Variants in SCAF11 observed in about 807,000 individuals in gnomAD.
SCAF11 encodes protein SCAF11.
In SCAF11, 47 loss-of-function variants were observed where a neutral mutation model predicts 140.5. The observed-to-expected ratio is 0.33, with a 90% CI of 0.26 to 0.43. The LOEUF is 0.43. Among genes scored for constraint, SCAF11 ranks in the 20% least tolerant of loss-of-function variants. The pLI, the probability that SCAF11 is intolerant of heterozygous loss-of-function variation, is 1.00. For missense variants in SCAF11, 1,645 were observed against 1,705.1 expected (o/e 0.96, Z 0.62); for synonymous variants, 557 against 579.4 (o/e 0.96, Z 0.55).
Position 45,927,472 on chromosome 12 carries a change from T to C in SCAF11, c.2229A>G (p.Gln743=), listed in dbSNP as rs1437422234. ...AGTGTGTCACAGAATTTTCATTCATTTGTTTAAGATCAGCATTTACAGATG... is the reference window on the plus strand; with the variant it reads ...AGTGTGTCACAGAATTTTCATTCATCTGTTTAAGATCAGCATTTACAGATG... ...VEPSVNADLK[Q]MNENSVTHCS... The change falls in exon 11 of 15, where the codon CAA becomes CAG. Residue 743 remains glutamine, a synonymous_variant. Coordinates refer to ENST00000369367, the MANE Select transcript of SCAF11 (RefSeq NM_004719.3). 3 of 1,613,354 alleles carry C rather than the reference T, an allele frequency of 1.9e-6. No homozygotes were observed. The highest frequency in any genetic ancestry group is 2.5e-6 in the Non-Finnish European group (3 of 1,179,906).
chr12:45,970,342 A>G (rs929197724), intron 1 of SCAF11, among the ~76,000 whole-genome samples: 1 of 152,174 alleles, frequency 6.6e-6, no homozygotes, highest in Non-Finnish European at 1.5e-5. Context: ...TTCTAGTGAT[A>G]TTTTGTCAAA....
At chr12:45,945,350 A>T (rs1361820232) in intron 5 of SCAF11, 37 bp from the exon 6 acceptor site, 2 of 1,220,432 alleles carry the variant, frequency 1.6e-6, no homozygotes, top group Non-Finnish European at 2.3e-6. Context: ...GAATTAAGAA[A>T]AAAACTGTCA....
intron 3 of SCAF11, among the ~76,000 whole-genome samples, chr12:45,952,911 T>TA (rs1474216108): frequency 1.2e-4 from 18 of 152,380 alleles, no homozygotes; most frequent in African/African-American, 4.3e-4. Flanking sequence ...TTCTGGGTTT[T>TA]ACCACGTATC....
intron 1 of SCAF11, among the ~76,000 whole-genome samples, chr12:45,987,130 G>A (rs748134984): frequency 2.0e-5 from 3 of 152,176 alleles, no homozygotes; most frequent in Non-Finnish European, 4.4e-5. Flanking sequence ...GGAGGCCAAG[G>A]CGGGATGATT....
intron 9 of SCAF11, 138 bp downstream of exon 9, chr12:45,932,993 T>C (rs1945086909): frequency 1.7e-6 from 1 of 581,476 alleles, no homozygotes; most frequent in African/African-American, 1.9e-5. Flanking sequence ...ATTGGGCATT[T>C]GAAACACCAA....
At chr12:45,949,241 T>TCA (rs1364680706) in intron 4 of SCAF11, among the ~76,000 whole-genome samples, 1 of 152,136 alleles carries the variant, frequency 6.6e-6, no homozygotes, top group Non-Finnish European at 1.5e-5. Context: ...AAGACAACAG[T>TCA]CACTAGCCAC....
chr12:45,990,571 A>T lies in SCAF11; in HGVS notation c.-240T>A, dbSNP rs1280897111. On this transcript the variant is annotated 5_prime_UTR_variant, in exon 1 of 15. Transcript: ENST00000369367. ...GCTCCGCGCGGCTTAAGCCACCGCT[A>T]CTCCCCCTTCCCCCGCCTTGTCTAG... is the stretch of plus-strand genomic sequence containing the variant. 3 of 1,227,516 alleles carry T rather than the reference A, an allele frequency of 2.4e-6. No individual in the cohort carries two copies. 76.0% of individuals were successfully genotyped at this position (1,227,516 alleles called of 1,614,324 possible). A position where few individuals can be genotyped will look rare whatever the true frequency, so the allele number is the denominator to read the frequency against.
chr12:45,964,123 C>T lies in SCAF11; in HGVS notation c.45G>A (p.Lys15=), dbSNP rs746992379. Residue 15 remains lysine (K), a synonymous_variant, in exon 2 of 15, where the codon AAG becomes AAA. Transcript: ENST00000369367. ...AAAAGTTACCTTCCATGTCTTCATA[C>T]TTCTTATCTCCCATATTTAGGGTAC... is the stretch of plus-strand genomic sequence containing the variant. The part of the protein sequence containing the change: ...TVCTLNMGDK[K]YEDMEGEENG... The T allele has an allele frequency of 6.5e-7, 1 of 1,528,338 alleles. No homozygotes were observed. The highest frequency in any genetic ancestry group is 9.0e-7 in the Non-Finnish European group (1 of 1,109,758). The allele number at this position is 1,528,338 out of a possible 1,614,324, so 94.7% of individuals were successfully genotyped here.
At position 45,928,929 on chromosome 12, in the gene SCAF11, A is replaced by C. The variant is rs1328924650; in HGVS notation, c.842-70T>G. 5 of 971,144 alleles carry C rather than the reference A, an allele frequency of 5.1e-6. No homozygotes were observed. The Admixed American group carries it at 1.7e-4, about 33-fold the overall frequency. The allele number at this position is 971,144 out of a possible 1,614,324, so 60.2% of individuals were successfully genotyped here. Reference sequence around the variant, plus strand: ...AGAAATAGTAATTTGGCTTTAGCTAATTTTAGCATAAAATAGTCTGCAACA... The same window carrying C: ...AGAAATAGTAATTTGGCTTTAGCTACTTTTAGCATAAAATAGTCTGCAACA... On this transcript the variant is annotated intron_variant, in intron 10 of 14. Transcript: ENST00000369367.
In SCAF11 at chr12:45,934,030, C is replaced by T. The variant is rs960645183; in HGVS notation, c.632+146G>A. The T allele has an allele frequency of 7.8e-6, 4 of 510,766 alleles. No homozygotes were observed. The African/African-American group carries it at 7.9e-5, about 10-fold the overall frequency. The allele number at this position is 510,766 out of a possible 1,614,324, so 31.6% of individuals were successfully genotyped here. ...CTCTTTGCTAGAGCTAGTTTACCTT[C>T]CCCCCCGCCCAAAAAAAAACTAAAG... On this transcript the variant is annotated intron_variant, in intron 8 of 14. Coordinates refer to ENST00000369367, the MANE Select transcript of SCAF11 (RefSeq NM_004719.3).
At position 45,924,728 on chromosome 12, in the gene SCAF11, C is replaced by T. The variant is rs1944805935; in HGVS notation, c.3906G>A (p.Gln1302=). ...IASQPDGKQL[Q]GIPSSSHVSN... is the part of the protein sequence containing the mutation. ...TAAACTTGAGTTGCTAAAAACATAC[C>T]TGCAATTGCTTTCCATCTGGTTGTG... The change falls in exon 12 of 15, where the codon CAG becomes CAA. Residue 1302 remains glutamine (Q), a splice_region_variant and synonymous_variant. Coordinates refer to ENST00000369367, the MANE Select transcript of SCAF11 (RefSeq NM_004719.3). 1 of 1,597,648 alleles carries T rather than the reference C, an allele frequency of 6.3e-7. No homozygotes were observed. Among genetic ancestry groups the T allele is most frequent in the Non-Finnish European group, 8.6e-7 (1 of 1,168,816 alleles).
chr12:45,944,460 T>A (rs1030602875), intron 6 of SCAF11, among the ~76,000 whole-genome samples: 2 of 152,228 alleles, frequency 1.3e-5, no homozygotes, highest in African/African-American at 2.4e-5. Context: ...GCATAAAAAA[T>A]GAAGTTATTC....
intron 1 of SCAF11, among the ~76,000 whole-genome samples, chr12:45,981,778 A>C (rs937624223): frequency 6.6e-6 from 1 of 152,184 alleles, no homozygotes; most frequent in Non-Finnish European, 1.5e-5. Context: ...CAGGGGACAG[A>C]GTGAGACCTT....
rs367988696 is a variant in SCAF11, at chr12:45,927,537, C to G, written c.2164G>C (p.Asp722His). 16 of 1,613,578 alleles carry G rather than the reference C, an allele frequency of 9.9e-6. No individual in the cohort carries two copies. The highest frequency in any genetic ancestry group is 1.3e-5 in the African/African-American group (1 of 74,848). ...DNNEMIPMEC[D>H]SFCSDQNESE... The stretch of plus-strand genomic sequence containing the variant: ...TCATTTTGGTCACTGCAAAATGAAT[C>G]ACACTCCATAGGTATCATTTCATTG... Residue 722 changes from aspartate to histidine, a missense_variant, in exon 11 of 15, where the codon GAT becomes CAT. Coordinates refer to ENST00000369367, the MANE Select transcript of SCAF11 (RefSeq NM_004719.3).
At chr12:45,942,906 C>T (rs1366674750) in intron 6 of SCAF11, among the ~76,000 whole-genome samples, 1 of 152,134 alleles carries the variant, frequency 6.6e-6, no homozygotes, top group African/African-American at 2.4e-5. Flanking sequence ...TGTTTTTGTT[C>T]ACTACTATAC....
rs1440502126 is a variant in SCAF11 at position 45,926,243 on chromosome 12, G to A, written c.3458C>T (p.Thr1153Ile). ...TSASSWAVRK[T>I]LPADVQNYYS... ...GTAGTTTTGTACATCTGCTGGCAAA[G>A]TCTTTCTCACGGCCCAGCTGGATGC... Residue 1153 changes from threonine to isoleucine, a missense_variant, in exon 11 of 15, where the codon ACT (threonine) becomes ATT (isoleucine). By Grantham distance (89) the Thr-to-Ile change is moderately conservative. Coordinates refer to ENST00000369367, the MANE Select transcript of SCAF11 (RefSeq NM_004719.3). 1 of 1,614,150 alleles carries A rather than the reference G, an allele frequency of 6.2e-7. No individual in the cohort carries two copies. Among genetic ancestry groups the A allele is most frequent in the African/African-American group, 1.3e-5 (1 of 75,012 alleles).
In SCAF11 at chr12:45,921,714, G is replaced by T. The variant is rs564576177; in HGVS notation, c.*334C>A. 36 of 177,306 alleles carry T rather than the reference G, an allele frequency of 2.0e-4. No homozygotes were observed. In the South Asian group the frequency reaches 6.1e-3, roughly 30 times the overall value. The allele number at this position is 177,306 out of a possible 1,614,324, so 11.0% of individuals were successfully genotyped here. A position where few individuals can be genotyped will look rare whatever the true frequency, so the allele number is the denominator to read the frequency against. On this transcript the variant is annotated 3_prime_UTR_variant, in exon 15 of 15. Transcript: ENST00000369367. ...ATCTCTTTGAAAACCAGTGCACTTA[G>T]AAGTTTCTAATTTATGCACTCCATT...
chr12:45,972,897 T>TATATATAGATATATAGATATATATATAG (rs1565688754), intron 1 of SCAF11, among the ~76,000 whole-genome samples: 1 of 64,846 alleles, frequency 1.5e-5, no homozygotes, highest in Admixed American at 1.5e-4. Flanking sequence ...TATATAGATA[T>TATATATAGATATATAGATATATATATAG]ATATATATAT....
chr12:45,975,125 G>A (rs1018084523), intron 1 of SCAF11: 1 of 152,202 alleles, frequency 6.6e-6, no homozygotes, highest in Non-Finnish European at 1.5e-5. Flanking sequence ...AGTAAACCAT[G>A]CTGTAAACGG....
Sources: gnomAD v4.1 joint callset for allele counts (sites outside exome capture counted in the v4.1 genomes callset) on GRCh38, gnomAD v4.1.1 for gene constraint, MANE v1.5 for transcripts, NCBI Gene and HGNC (gene_info 2026-07-23, HGNC 2026-07-21) for gene names.